Variants in NDST3 observed in about 807,000 individuals in gnomAD.
The protein encoded by NDST3 is N-deacetylase and N-sulfotransferase 3.
NDST3 carries 58 observed loss-of-function variants against 96.1 expected under a neutral mutation model. The ratio of observed to expected loss-of-function variants is 0.60; its 90% CI spans 0.49 to 0.75. NDST3 has a LOEUF of 0.75. Among genes scored for constraint, NDST3 ranks in the 30% least tolerant of loss-of-function variants. The probability of loss-of-function intolerance (pLI) is 0.00; values close to 1 mark genes in which losing one functional copy is unlikely to be tolerated. For missense variants in NDST3, 788 were observed against 1,034.2 expected, an observed-to-expected ratio of 0.76 and a Z score of 3.27; for synonymous variants, 333 against 359.7, an observed-to-expected ratio of 0.93 and a Z score of 0.84.
intron 2 of NDST3, chr4:118,055,389 C>A (rs997969031): frequency 1.1e-5 from 2 of 182,144 alleles, no homozygotes; most frequent in Non-Finnish European, 2.3e-5. Flanking sequence ...AAAATCAGTA[C>A]TACTAAATAT....
Position 118,234,243 on chromosome 4 carries a change from C to A in NDST3, c.1943+1108C>A, listed in dbSNP as rs115498041. On this transcript the variant is annotated intron_variant, in intron 9 of 13. Transcript: ENST00000296499. ...CCTGGGCAACATAGCAAGACCCCAT[C>A]TCTAACAAAAATACAAGAATTAGCC... is the stretch of plus-strand genomic sequence containing the variant. Among the ~76,000 whole-genome samples, 771 of 152,090 alleles carry A rather than the reference C, an allele frequency of 5.1e-3. 5 individuals carry two copies. The highest frequency in any genetic ancestry group is 0.018 in the African/African-American group (736 of 41,492).
intron 1 of NDST3, among the ~76,000 whole-genome samples, chr4:118,046,189 C>T (rs999617707): frequency 1.3e-5 from 2 of 152,200 alleles, no homozygotes; most frequent in African/African-American, 4.8e-5. Context: ...GGAATAGGTT[C>T]ATGATGGGAC....
intron 6 of NDST3, among the ~76,000 whole-genome samples, chr4:118,149,929 C>T (rs1185567548): frequency 4.0e-5 from 6 of 150,626 alleles, no homozygotes; most frequent in East Asian, 3.9e-4. Flanking sequence ...AGATATGTCC[C>T]ATCAATACCT....
intron 4 of NDST3, among the ~76,000 whole-genome samples, chr4:118,127,489 A>C (rs1274871037): frequency 6.6e-6 from 1 of 152,084 alleles, no homozygotes; most frequent in Admixed American, 6.6e-5. Context: ...TTTGTCAAAA[A>C]TGAGTTCACT....
intron 3 of NDST3, among the ~76,000 whole-genome samples, chr4:118,107,479 T>A (rs144889660): frequency 1.2e-4 from 19 of 152,046 alleles, no homozygotes; most frequent in Non-Finnish European, 2.6e-4. Context: ...ATAAACCATA[T>A]AGAAAAAGCT....
chr4:118,151,308 A>G (rs1485442302), intron 6 of NDST3, among the ~76,000 whole-genome samples: 1 of 152,180 alleles, frequency 6.6e-6, no homozygotes, highest in African/African-American at 2.4e-5. Flanking sequence ...TAGTGGGTGC[A>G]GCGCACCAGC....
chr4:118,095,159 A>C, intron 2 of NDST3, among the ~76,000 whole-genome samples: 1 of 151,944 alleles, frequency 6.6e-6, no homozygotes, highest in East Asian at 1.9e-4. Flanking sequence ...TGAAAGAGTA[A>C]GGAAGTAAAC....
intron 2 of NDST3, among the ~76,000 whole-genome samples, chr4:118,067,304 C>A (rs1175691089): frequency 6.6e-6 from 1 of 151,922 alleles, no homozygotes; most frequent in Non-Finnish European, 1.5e-5. Context: ...GGTTAATATT[C>A]AAAGGATCTC....
chr4:118,157,422 G>GTT (rs1306965867), intron 6 of NDST3, among the ~76,000 whole-genome samples: 3 of 105,644 alleles, frequency 2.8e-5, no homozygotes, highest in African/African-American at 8.8e-5. Context: ...ACACAGTTTT[G>GTT]TTTTTGTTTT....
intron 2 of NDST3, among the ~76,000 whole-genome samples, chr4:118,080,632 C>T (rs1355668433): frequency 6.6e-6 from 1 of 152,098 alleles, no homozygotes; most frequent in African/African-American, 2.4e-5. Context: ...CATATGTTCT[C>T]CCATCAGATT....
intron 6 of NDST3, among the ~76,000 whole-genome samples, chr4:118,172,344 G>A (rs1330095444): frequency 3.3e-5 from 5 of 152,118 alleles, no homozygotes; most frequent in Non-Finnish European, 5.9e-5. Flanking sequence ...GTCTCCTAAG[G>A]AAAGAGTGCT....
chr4:118,102,031 C>G (rs1000019507), intron 2 of NDST3, among the ~76,000 whole-genome samples: 1 of 151,602 alleles, frequency 6.6e-6, no homozygotes, highest in Non-Finnish European at 1.5e-5. Context: ...TTTTATGGCA[C>G]TAATTTACCT....
intron 6 of NDST3, among the ~76,000 whole-genome samples, chr4:118,149,898 T>C (rs1233469497): frequency 2.0e-5 from 3 of 151,888 alleles, no homozygotes; most frequent in Non-Finnish European, 4.4e-5. Flanking sequence ...GGGTTTGTCA[T>C]AGATAGCTCT....
intron 4 of NDST3, among the ~76,000 whole-genome samples, chr4:118,130,350 G>T (rs1160666069): frequency 2.0e-5 from 3 of 151,576 alleles, no homozygotes; most frequent in Non-Finnish European, 4.4e-5. Flanking sequence ...TGTGTTTTTT[G>T]ATTTGAGGCT....
chr4:118,214,628 T>C (rs138021246), intron 6 of NDST3, among the ~76,000 whole-genome samples: 2,258 of 152,232 alleles, frequency 0.015, 60 homozygotes, highest in African/African-American at 0.049. Flanking sequence ...AACACAGTTC[T>C]GGAAGGAGGA....
In NDST3 at chr4:118,240,699, G is replaced by A; in HGVS notation, c.2289+5G>A. 5 of 1,610,944 alleles carry A rather than the reference G, an allele frequency of 3.1e-6. No individual in the cohort carries two copies. The highest frequency in any genetic ancestry group is 4.2e-6 in the Non-Finnish European group (5 of 1,178,544). ...GTTTATTTCCCCCCATTTCAGGTAT[G>A]GAGTAATAAGGATTTACATCATGTT... On this transcript the variant is annotated splice_donor_5th_base_variant and intron_variant, in intron 11 of 13. Transcript: ENST00000296499.
chr4:118,042,640 A>G (rs1724535081), intron 1 of NDST3, among the ~76,000 whole-genome samples: 1 of 152,204 alleles, frequency 6.6e-6, no homozygotes, highest in African/African-American at 2.4e-5. Flanking sequence ...TCTTTTAATC[A>G]AATATTATTT....
chr4:118,065,113 C>G (rs1250677431), intron 2 of NDST3, among the ~76,000 whole-genome samples: 1 of 152,116 alleles, frequency 6.6e-6, no homozygotes, highest in African/African-American at 2.4e-5. Flanking sequence ...TTCACATTCA[C>G]AGGTTCCAGG....
At chr4:118,172,688 T>G (rs534625763) in intron 6 of NDST3, among the ~76,000 whole-genome samples, 1 of 152,292 alleles carries the variant, frequency 6.6e-6, no homozygotes, top group African/African-American at 2.4e-5. Context: ...ATGTCACTTT[T>G]TCTAACAAGA....
Sources: allele counts gnomAD v4.1 joint callset (sites outside exome capture counted in the v4.1 genomes callset), GRCh38; gene constraint gnomAD v4.1.1; transcripts MANE v1.5; gene names NCBI Gene and HGNC (gene_info 2026-07-23, HGNC 2026-07-21).